Variants in DMD observed in about 807,000 individuals in gnomAD.
The protein encoded by DMD is dystrophin.
In DMD, 63 loss-of-function variants were observed where a neutral mutation model predicts 330.1. The ratio of observed to expected loss-of-function variants is 0.19; its 90% confidence interval spans 0.16 to 0.24. DMD has a LOEUF of 0.24. Ranked by LOEUF, DMD falls within the 10% of genes least tolerant of loss-of-function variation. DMD has a pLI of 1.00. For missense variants in DMD, 3,344 were observed against 2,684.1 expected (o/e 1.25, Z -5.43); for synonymous variants, 1,223 against 959.8 (o/e 1.27, Z -5.07).
At chrX:31,348,753 C>T (rs1198443761) in intron 60 of DMD, 119 bp from the exon 61 acceptor site, 1 of 599,154 alleles carries the variant, frequency 1.7e-6, no homozygotes, top group African/African-American at 2.2e-5. Flanking sequence ...ACTAAAGCAA[C>T]ATTTCATAAC....
intron 1 of DMD, among the ~76,000 whole-genome samples, chrX:33,102,708 A>G (rs1485669260): frequency 8.9e-6 from 1 of 111,770 alleles, no homozygotes; most frequent in African/African-American, 3.2e-5. Flanking sequence ...ATTCAGTCTT[A>G]TAAGAGCTTA....
At chrX:31,568,577 C>T (rs1301710618) in intron 55 of DMD, among the ~76,000 whole-genome samples, 1 of 111,522 alleles carries the variant, frequency 9.0e-6, no homozygotes, top group African/African-American at 3.2e-5. Flanking sequence ...AACATTACTG[C>T]TGCTGCTTTC....
chrX:32,173,522 G>C (rs781116753), intron 44 of DMD, among the ~76,000 whole-genome samples: 1 of 109,364 alleles, frequency 9.1e-6, no homozygotes, highest in South Asian at 4.0e-4. Flanking sequence ...ACAGGCATGC[G>C]CTGCCATGCA....
rs150899114 is a variant in DMD, at chrX:31,856,469, T to C, written c.7098+18719A>G. On this transcript the variant is annotated intron_variant, in intron 48 of 78. Coordinates refer to ENST00000357033, the MANE Select transcript of DMD (RefSeq NM_004006.3). ...GTTTCTATTAAAATCAAGAATACTT[T>C]TACCAGATTACTTCTGTATTCTAAA... is the stretch of plus-strand genomic sequence containing the variant. Among the ~76,000 whole-genome samples the C allele has an allele frequency of 2.2e-3, 243 of 112,159 alleles. 2 individuals are homozygous for C. The highest frequency in any genetic ancestry group is 7.3e-3 in the African/African-American group (226 of 30,929).
At chrX:31,252,381 G>C (rs1021759179) in intron 63 of DMD, among the ~76,000 whole-genome samples, 2 of 112,022 alleles carry the variant, frequency 1.8e-5, no homozygotes, top group African/African-American at 6.5e-5. Flanking sequence ...TTTGAGAACA[G>C]AGAACTCGGA....
chrX:32,700,536 G>T (rs367915403), intron 7 of DMD, among the ~76,000 whole-genome samples: 174 of 111,132 alleles, frequency 1.6e-3, no homozygotes, highest in Admixed American at 2.9e-3. Context: ...AAATTGCTGC[G>T]AGAGTAGATA....
At chrX:32,332,586 T>A (rs1323255292) in intron 41 of DMD, among the ~76,000 whole-genome samples, 3 of 110,177 alleles carry the variant, frequency 2.7e-5, no homozygotes, top group Non-Finnish European at 5.7e-5. Context: ...TGGGTGCATG[T>A]CAGATCTGTG....
intron 51 of DMD, among the ~76,000 whole-genome samples, chrX:31,735,814 A>C (rs2086830834): frequency 8.9e-6 from 1 of 112,015 alleles, no homozygotes; most frequent in Admixed American, 9.5e-5. Flanking sequence ...GCAAGTTTTC[A>C]GATGACGGAA....
intron 44 of DMD, among the ~76,000 whole-genome samples, chrX:32,202,679 C>T (rs1569550631): frequency 8.9e-6 from 1 of 111,942 alleles, no homozygotes; most frequent in Non-Finnish European, 1.9e-5. Context: ...AGAAAACATA[C>T]ACAACACCTT....
intron 51 of DMD, among the ~76,000 whole-genome samples, chrX:31,749,510 A>C (rs1445038169): frequency 1.9e-5 from 2 of 104,882 alleles, no homozygotes; most frequent in African/African-American, 7.0e-5. Flanking sequence ...TCCATGGTGT[A>C]TATGTGCCAC....
chrX:31,340,918 C>A (rs936552918), intron 61 of DMD, among the ~76,000 whole-genome samples: 1 of 112,117 alleles, frequency 8.9e-6, no homozygotes, highest in African/African-American at 3.2e-5. Context: ...AGATTAAGGT[C>A]TATCTTTTTG....
At chrX:33,215,323 CAA>C (rs35648936), upstream of DMD, among the ~76,000 whole-genome samples, 4 of 87,919 alleles carry the variant, frequency 4.5e-5, no homozygotes, top group Non-Finnish European at 2.2e-5. Flanking sequence ...GACCCTATCT[CAA>C]AAAAAAAAAA....
intron 54 of DMD, among the ~76,000 whole-genome samples, chrX:31,642,291 C>T (rs763930510): frequency 9.0e-6 from 1 of 111,704 alleles, no homozygotes; most frequent in African/African-American, 3.2e-5. Context: ...TCTCACATTA[C>T]CTTAAAGTGT....
chrX:32,573,940 C>G (rs942436638), intron 13 of DMD, 94 bp from the exon 14 acceptor site: 1 of 670,277 alleles, frequency 1.5e-6, no homozygotes, highest in East Asian at 3.4e-5. Flanking sequence ...GTATCTCAGT[C>G]TCCTATGTAC....
At chrX:32,007,800 A>G (rs191930982) in intron 44 of DMD, among the ~76,000 whole-genome samples, 5 of 111,409 alleles carry the variant, frequency 4.5e-5, no homozygotes, top group Non-Finnish European at 7.5e-5. Flanking sequence ...AAGTCTTAAC[A>G]TTATGAACCT....
At chrX:32,011,997 C>T (rs2095712465) in intron 44 of DMD, among the ~76,000 whole-genome samples, 1 of 111,917 alleles carries the variant, frequency 8.9e-6, no homozygotes, top group South Asian at 3.7e-4. Flanking sequence ...TTTTATCTGA[C>T]TCCTCAAGTC....
intron 41 of DMD, among the ~76,000 whole-genome samples, chrX:32,336,026 T>C (rs761957351): frequency 1.0e-5 from 1 of 99,429 alleles, no homozygotes; most frequent in African/African-American, 3.6e-5. Flanking sequence ...CGTGTATATA[T>C]AACGTTATAT....
intron 55 of DMD, among the ~76,000 whole-genome samples, chrX:31,627,469 T>C (rs1030556022): frequency 2.7e-5 from 3 of 112,290 alleles, no homozygotes; most frequent in African/African-American, 9.7e-5. Context: ...ATGTACTTTT[T>C]CTAAGACGAG....
intron 7 of DMD, among the ~76,000 whole-genome samples, chrX:32,779,129 T>A (rs1464879124): frequency 9.0e-6 from 1 of 111,675 alleles, no homozygotes; most frequent in African/African-American, 3.3e-5. Flanking sequence ...TTATTTAAGC[T>A]AATTGTTCAT....
Sources: gnomAD v4.1 joint callset for allele counts (sites outside exome capture counted in the v4.1 genomes callset) on GRCh38, gnomAD v4.1.1 for gene constraint, MANE v1.5 for transcripts, NCBI Gene and HGNC (gene_info 2026-07-23, HGNC 2026-07-21) for gene names.